CC2D2A: variants seen among roughly 807,000 people sequenced by gnomAD.
The protein encoded by CC2D2A is coiled-coil and C2 domain containing 2A.
Under a neutral mutation model 212.9 loss-of-function variants are expected in CC2D2A, and 155 were observed. The ratio of observed to expected loss-of-function variants is 0.73; its 90% CI spans 0.64 to 0.83. CC2D2A has a LOEUF of 0.83. CC2D2A is among the 40% of genes least tolerant of loss of function. CC2D2A has a pLI of 0.00. For missense variants in CC2D2A, 1,856 were observed against 1,956.2 expected (o/e 0.95, Z 0.97); for synonymous variants, 667 against 686.5 (o/e 0.97, Z 0.44).
intron 14 of CC2D2A, among the ~76,000 whole-genome samples, chr4:15,534,588 G>A (rs936655945): frequency 6.6e-6 from 1 of 152,130 alleles, no homozygotes; most frequent in Non-Finnish European, 1.5e-5. Flanking sequence ...CTATGCTGCT[G>A]GTGTTGGTCC....
In CC2D2A at chr4:15,586,252, T is replaced by C; in HGVS notation, c.4065+6T>C. On this transcript the variant is annotated splice_donor_region_variant and intron_variant, in intron 31 of 36. Coordinates refer to ENST00000424120, the MANE Select transcript of CC2D2A (RefSeq NM_001378615.1). ...ACCTCTGGAGCACATCTGATGTAAG[T>C]AGTTCTTCTTCACAGATTTAGAAAC... 1.3e-6 allele frequency: 2 copies of C among 1,535,918 alleles called. No individual in the cohort carries two copies. Among genetic ancestry groups the C allele is most frequent in the South Asian group, 1.3e-5 (1 of 77,224 alleles).
chr4:15,557,031 A>C (rs1484634223), intron 20 of CC2D2A, among the ~76,000 whole-genome samples: 1 of 152,220 alleles, frequency 6.6e-6, no homozygotes, highest in Non-Finnish European at 1.5e-5. Flanking sequence ...CTCCTTTTTC[A>C]GTCTGTATAT....
intron 13 of CC2D2A, among the ~76,000 whole-genome samples, chr4:15,530,284 T>C (rs1717780365): frequency 6.6e-6 from 1 of 152,224 alleles, no homozygotes; most frequent in African/African-American, 2.4e-5. Context: ...GGCATTTCAA[T>C]GTATACTTTT....
At chr4:15,515,754 A>G in intron 9 of CC2D2A, 114 bp from the exon 10 acceptor site, 1 of 1,076,162 alleles carries the variant, frequency 9.3e-7, no homozygotes, top group Non-Finnish European at 1.3e-6. Flanking sequence ...AATTTGGAAA[A>G]TTTGCATTTT....
rs886042463 is a variant in CC2D2A at position 15,502,873 on chromosome 4, C to A, written c.388C>A (p.Arg130Ser). The stretch of plus-strand genomic sequence containing the variant: ...GGAAATCCCCACTCCTCGGCCCAGA[C>A]GCTTACGAAGTCCCAGTAAGAAAGA... ...LQEIPTPRPR[R>S]LRSPSKKELE... The change falls in exon 6 of 37, where the codon CGC becomes AGC. Residue 130 changes from arginine (R) to serine (S), a missense_variant. By Grantham distance (110) the Arg-to-Ser change is moderately radical. Around this residue, in one of 5 missense-constraint regions of CC2D2A, gnomAD observed 1,512 missense variants for 1,579.3 expected, o/e 0.96. Transcript: ENST00000424120. The A allele has an allele frequency of 6.2e-7, 1 of 1,611,844 alleles. No individual in the cohort carries two copies. Among genetic ancestry groups the A allele is most frequent in the Non-Finnish European group, 8.5e-7 (1 of 1,179,168 alleles).
At position 15,579,947 on chromosome 4, in the gene CC2D2A, AT is replaced by A. The variant is rs775120142; in HGVS notation, c.3772-20del. On this transcript the variant is annotated intron_variant, in intron 29 of 36. Coordinates refer to ENST00000424120, the MANE Select transcript of CC2D2A (RefSeq NM_001378615.1). ...TCTCTTGTAATCATACATAAACTCC[AT>A]GAAGTCTTTCTTTTTGAAGTTTGAG... 6.3e-7 allele frequency: 1 copy of A among 1,589,744 alleles called. No individual in the cohort carries two copies. The highest frequency in any genetic ancestry group is 8.6e-7 in the Non-Finnish European group (1 of 1,159,332).
In CC2D2A at chr4:15,480,782, C is replaced by A. The variant is rs1351707020; in HGVS notation, c.202C>A (p.Pro68Thr). Residue 68 changes from proline to threonine, a missense_variant, in exon 4 of 37, where the codon CCC becomes ACC. By Grantham distance (38) the Pro-to-Thr change is conservative. Transcript: ENST00000424120. The stretch of plus-strand genomic sequence containing the variant: ...CCCCCAGGAGCCTGTGCAGGAGGAG[C>A]CCAAGACCCGCCTCCTGAGTATGAC... ...GNPQEPVQEE[P>T]KTRLLSMTVR... 1 of 1,613,388 alleles carries A rather than the reference C, an allele frequency of 6.2e-7. No homozygotes were observed. Among genetic ancestry groups the A allele is most frequent in the Non-Finnish European group, 8.5e-7 (1 of 1,179,658 alleles).
intron 33 of CC2D2A, among the ~76,000 whole-genome samples, chr4:15,590,227 T>C (rs538921376): frequency 1.3e-5 from 2 of 152,276 alleles, no homozygotes; most frequent in East Asian, 3.9e-4. Context: ...AAAATATAAG[T>C]TATAGAGCTG....
chr4:15,564,283 T>TG (rs1239869333), intron 24 of CC2D2A: 2 of 151,866 alleles, frequency 1.3e-5, no homozygotes, highest in Admixed American at 1.3e-4. Context: ...CAGGCTGGTC[T>TG]GGAACTCCTG....
At chr4:15,497,195 G>A (rs1314466070) in intron 4 of CC2D2A, among the ~76,000 whole-genome samples, 2 of 152,140 alleles carry the variant, frequency 1.3e-5, no homozygotes, top group East Asian at 3.9e-4. Flanking sequence ...AAACAGCATG[G>A]TACAGGTACA....
chr4:15,555,137 T>G lies in CC2D2A; in HGVS notation c.2552T>G (p.Leu851Trp). The change falls in exon 20 of 37, where the codon TTG (leucine) becomes TGG (tryptophan). Residue 851 changes from leucine to tryptophan, a missense_variant. Leu to Trp is a moderately conservative substitution (Grantham distance 61). This residue lies in a region of CC2D2A where 1,512 missense variants were observed against 1,579.3 expected (regional missense o/e 0.96). Coordinates refer to ENST00000424120, the MANE Select transcript of CC2D2A (RefSeq NM_001378615.1). ...TCAGGACTGACAGACATGAAAAAAT[T>G]GGCCAAGTGGGCAGCAGAGTCCAAG... The part of the protein sequence containing the change: ...GTSGLTDMKK[L>W]AKWAAESKLD... The G allele has an allele frequency of 6.2e-7, 1 of 1,613,826 alleles. No individual in the cohort carries two copies. The highest frequency in any genetic ancestry group is 1.3e-5 in the African/African-American group (1 of 75,016).
intron 11 of CC2D2A, among the ~76,000 whole-genome samples, chr4:15,522,534 G>A (rs1717269428): frequency 6.6e-6 from 1 of 151,544 alleles, no homozygotes; most frequent in South Asian, 2.1e-4. Context: ...TACAGAGGGG[G>A]AAAAGGGTAG....
intron 33 of CC2D2A, among the ~76,000 whole-genome samples, chr4:15,595,093 G>A (rs1721263618): frequency 6.6e-6 from 1 of 152,180 alleles, no homozygotes; most frequent in Admixed American, 6.5e-5. Flanking sequence ...GGGATTATGA[G>A]TGTGAGCCTG....
chr4:15,483,230 T>C (rs963664669), intron 4 of CC2D2A, among the ~76,000 whole-genome samples: 3 of 151,974 alleles, frequency 2.0e-5, no homozygotes, highest in African/African-American at 7.3e-5. Flanking sequence ...GAATGATGAG[T>C]GCTGGCAGAA....
At chr4:15,496,824 A>G (rs189417858) in intron 4 of CC2D2A, among the ~76,000 whole-genome samples, 68 of 152,312 alleles carry the variant, frequency 4.5e-4, no homozygotes, top group Non-Finnish European at 3.1e-4. Flanking sequence ...CAGCCACACA[A>G]AGAATAAAAT....
chr4:15,521,551 T>C (rs1717205230), intron 11 of CC2D2A, among the ~76,000 whole-genome samples: 1 of 152,054 alleles, frequency 6.6e-6, no homozygotes, highest in Admixed American at 6.5e-5. Flanking sequence ...CACCTAGGAG[T>C]TTCTGGCATG....
At chr4:15,471,522 T>C (rs1297618596) in intron 1 of CC2D2A, among the ~76,000 whole-genome samples, 2 of 152,062 alleles carry the variant, frequency 1.3e-5, no homozygotes, top group East Asian at 3.9e-4. Context: ...CCTACCAATA[T>C]TGAGAGCCCA....
intron 4 of CC2D2A, chr4:15,482,311 T>C (rs1714727191): frequency 1.0e-6 from 1 of 980,156 alleles, no homozygotes; most frequent in Admixed American, 6.1e-5. Context: ...TATTTATTAC[T>C]ACCAAAGATT....
chr4:15,484,449 T>C lies in CC2D2A; in HGVS notation c.247+3622T>C, dbSNP rs533297916. On this transcript the variant is annotated intron_variant, in intron 4 of 36. Transcript: ENST00000424120. ...CAAGCCCAGGACTGATATAATCAGATTTAAGGCTGACGGCTGCTGTGCTGA... is the reference window on the plus strand; with the variant it reads ...CAAGCCCAGGACTGATATAATCAGACTTAAGGCTGACGGCTGCTGTGCTGA... 8.5e-5 allele frequency among the ~76,000 whole-genome samples: 13 copies of C among 152,234 alleles called. No homozygotes were observed. In the East Asian group the frequency reaches 2.5e-3, roughly 29 times the overall value.
Sources: allele counts gnomAD v4.1 joint callset (sites outside exome capture counted in the v4.1 genomes callset), GRCh38; gene constraint gnomAD v4.1.1; regional missense constraint gnomAD v4.1.1; transcripts MANE v1.5; gene names NCBI Gene and HGNC (gene_info 2026-07-23, HGNC 2026-07-21).